The following ERAP2 variants were observed in gnomAD, a reference collection of about 807,000 sequenced individuals.
ERAP2 encodes leukocyte-derived arginine aminopeptidase.
In ERAP2, 118 loss-of-function variants were observed where a neutral mutation model predicts 111.1. That is an observed-to-expected ratio of 1.06 (90% CI 0.92 to 1.24). The LOEUF is 1.24. Among genes scored for constraint, ERAP2 ranks in the 50% most tolerant of loss-of-function variants. ERAP2 has a pLI of 0.00. For missense variants in ERAP2, 1,131 were observed against 1,125.8 expected, an observed-to-expected ratio of 1.00 and a Z score of -0.07; for synonymous variants, 410 against 401.2, an observed-to-expected ratio of 1.02 and a Z score of -0.26.
At chr5:96,900,414 C>G (rs1330419683) in intron 10 of ERAP2, among the ~76,000 whole-genome samples, 2 of 152,156 alleles carry the variant, frequency 1.3e-5, no homozygotes, top group Non-Finnish European at 2.9e-5. Flanking sequence ...TTTCCCACAA[C>G]CCCACTGCTA....
chr5:96,883,943 C>T lies in ERAP2; in HGVS notation c.714+13C>T, dbSNP rs1783435502. On this transcript the variant is annotated intron_variant, in intron 3 of 18. Coordinates refer to ENST00000437043, the MANE Select transcript of ERAP2 (RefSeq NM_022350.5). ...CAACATGCCAAAGGTATGTCCACTT[C>T]CAGAAACTTTTAGAAATTGTTCTCA... The T allele has an allele frequency of 6.4e-7, 1 of 1,555,310 alleles. No individual in the cohort carries two copies.
chr5:96,888,853 G>C (rs1784034778), intron 4 of ERAP2, among the ~76,000 whole-genome samples: 1 of 152,180 alleles, frequency 6.6e-6, no homozygotes, highest in African/African-American at 2.4e-5. Flanking sequence ...TAGTTGACAA[G>C]TGTTAAAGTA....
chr5:96,896,097 C>A (rs780807871), intron 7 of ERAP2, among the ~76,000 whole-genome samples: 5 of 152,004 alleles, frequency 3.3e-5, no homozygotes, highest in Non-Finnish European at 5.9e-5. Flanking sequence ...TAAATGGAAA[C>A]CATTATTTTA....
chr5:96,881,380 T>C (rs1458126234), intron 2 of ERAP2: 3 of 455,354 alleles, frequency 6.6e-6, no homozygotes, highest in Non-Finnish European at 8.8e-6. Flanking sequence ...ACAACAGAGA[T>C]TGCTGACATA....
chr5:96,889,605 G>C, intron 5 of ERAP2: 1 of 661,052 alleles, frequency 1.5e-6, no homozygotes, highest in Non-Finnish European at 2.7e-6. Flanking sequence ...ACGGAAGCCA[G>C]GTAGAGGGTC....
At chr5:96,899,932 T>C (rs1183683724) in intron 9 of ERAP2, among the ~76,000 whole-genome samples, 189 bp from the exon 10 acceptor site, 2 of 152,206 alleles carry the variant, frequency 1.3e-5, no homozygotes, top group Non-Finnish European at 2.9e-5. Flanking sequence ...CACAAAGAAA[T>C]AACTTTTGTG....
chr5:96,889,371 CTT>C (rs1784093862), intron 5 of ERAP2, 66 bp downstream of exon 5: 1 of 1,545,290 alleles, frequency 6.5e-7, no homozygotes, highest in East Asian at 2.2e-5. Context: ...TCTCTTCCCT[CTT>C]TCTCTTTCTA....
chr5:96,914,146 T>TCACACACACACACACACACACA (rs778108523), intron 17 of ERAP2, among the ~76,000 whole-genome samples: 1 of 104,722 alleles, frequency 9.5e-6, no homozygotes, highest in East Asian at 3.4e-4. Context: ...TCTCTCTCTC[T>TCACACACACACACACACACACA]CTCACACACA....
Position 96,880,103 on chromosome 5 carries a change from T to G in ERAP2, c.418T>G (p.Leu140Val). 6.2e-7 allele frequency: 1 copy of G among 1,614,158 alleles called. No homozygotes were observed. Among genetic ancestry groups the G allele is most frequent in the Non-Finnish European group, 8.5e-7 (1 of 1,180,028 alleles). ...YMKPGKELKV[L>V]SYPAHEQIAL... ...GAAACCAGGAAAAGAACTGAAAGTTTTGAGTTACCCTGCTCATGAACAAAT... is the reference window on the plus strand; with the variant it reads ...GAAACCAGGAAAAGAACTGAAAGTTGTGAGTTACCCTGCTCATGAACAAAT... Residue 140 changes from leucine (L) to valine (V), a missense_variant, in exon 2 of 19, where the codon TTG becomes GTG. Leu to Val is a conservative substitution (Grantham distance 32, BLOSUM62 1). Transcript: ENST00000437043.
chr5:96,889,333 T>G (rs2151140216), intron 5 of ERAP2, 28 bp downstream of exon 5: 1 of 1,613,156 alleles, frequency 6.2e-7, no homozygotes, highest in South Asian at 1.1e-5. Flanking sequence ...ATTATTGTCT[T>G]CATTTTTGCT....
At chr5:96,891,935 C>T (rs149140937) in intron 5 of ERAP2, among the ~76,000 whole-genome samples, 1 of 151,966 alleles carries the variant, frequency 6.6e-6, no homozygotes, top group East Asian at 1.9e-4. Flanking sequence ...TATTTGATAC[C>T]CTTTTTAAAG....
At chr5:96,905,362 T>G (rs1460405116) in intron 13 of ERAP2, among the ~76,000 whole-genome samples, 1 of 152,248 alleles carries the variant, frequency 6.6e-6, no homozygotes, top group Non-Finnish European at 1.5e-5. Flanking sequence ...TGTAGGGTAT[T>G]GAAATTATGA....
intron 13 of ERAP2, among the ~76,000 whole-genome samples, chr5:96,905,944 A>AT (rs34095051): frequency 0.54 from 75,962 of 139,504 alleles, 20,750 homozygotes; most frequent in Middle Eastern, 0.58. Context: ...TTTCTTTTTA[A>AT]TTTTTTTTTT....
At chr5:96,891,806 A>AT (rs1784422522) in intron 5 of ERAP2, among the ~76,000 whole-genome samples, 1 of 152,118 alleles carries the variant, frequency 6.6e-6, no homozygotes, top group South Asian at 2.1e-4. Context: ...CAATCGAAAT[A>AT]TTGACTATAG....
At position 96,917,456 on chromosome 5, in the gene ERAP2, T is replaced by G. The variant is rs779858719; in HGVS notation, c.2740-6T>G. 6.2e-7 allele frequency: 1 copy of G among 1,610,212 alleles called. No individual in the cohort carries two copies. Among genetic ancestry groups the G allele is most frequent in the African/African-American group, 1.3e-5 (1 of 74,710 alleles). ...GTTAGTAATTTTTTTCTTCAATATT[T>G]TACAGGTGAAACTATTTTTTGAATC... On this transcript the variant is annotated splice_region_variant and splice_polypyrimidine_tract_variant and intron_variant, in intron 18 of 18. Transcript: ENST00000437043.
chr5:96,912,117 G>T (rs1198419461), intron 15 of ERAP2, among the ~76,000 whole-genome samples: 2 of 149,950 alleles, frequency 1.3e-5, no homozygotes, highest in Non-Finnish European at 3.0e-5. Context: ...GTGAACCCCG[G>T]GGGGCGGAGC....
chr5:96,915,852 T>C (rs776086159), intron 18 of ERAP2, 83 bp downstream of exon 18: 17 of 1,194,700 alleles, frequency 1.4e-5, no homozygotes, highest in East Asian at 1.3e-4. Context: ...TAATCTGATT[T>C]GAAGTTCTCA....
At chr5:96,892,157 T>C (rs1784451731) in intron 5 of ERAP2, 142 bp from the exon 6 acceptor site, 2 of 760,338 alleles carry the variant, frequency 2.6e-6, no homozygotes, top group Admixed American at 5.3e-5. Flanking sequence ...TAAGACACCC[T>C]GTCAATGTTA....
rs778910462 is a variant in ERAP2 at position 96,883,887 on chromosome 5, T to C, written c.671T>C (p.Ile224Thr). The change falls in exon 3 of 19, where the codon ATA becomes ACA. Residue 224 changes from isoleucine to threonine, a missense_variant. By Grantham distance (89) the Ile-to-Thr change is moderately conservative (BLOSUM62 -1). Transcript: ENST00000437043. ...PLFKANFSIK[I>T]RRESRHIALS... Reference sequence around the variant, plus strand: ...TTCAAAGCCAACTTTTCAATCAAGATACGAAGAGAGAGCAGGCATATTGCA... The same window carrying C: ...TTCAAAGCCAACTTTTCAATCAAGACACGAAGAGAGAGCAGGCATATTGCA... The C allele has an allele frequency of 1.9e-6, 3 of 1,613,626 alleles. No homozygotes were observed.
Sources: gnomAD v4.1 joint callset for allele counts (sites outside exome capture counted in the v4.1 genomes callset) on GRCh38, gnomAD v4.1.1 for gene constraint, MANE v1.5 for transcripts, NCBI Gene and HGNC (gene_info 2026-07-23, HGNC 2026-07-21) for gene names.